CDH18: variants seen among roughly 807,000 people sequenced by gnomAD.
The protein encoded by CDH18 is cadherin-18.
CDH18 carries 31 observed loss-of-function variants against 67.9 expected under a neutral mutation model. The observed-to-expected ratio is 0.46, with a 90% CI of 0.34 to 0.62. The LOEUF (loss-of-function observed/expected upper bound fraction) is 0.62. Ranked by LOEUF, CDH18 falls within the 20% of genes least tolerant of loss-of-function variation. CDH18 has a pLI of 0.01. For missense variants in CDH18, 890 were observed against 975.5 expected (o/e 0.91, Z 1.17); for synonymous variants, 362 against 347.2 (o/e 1.04, Z -0.48).
intron 2 of CDH18, among the ~76,000 whole-genome samples, chr5:20,020,175 G>A (rs543836883): frequency 4.3e-4 from 66 of 152,212 alleles, no homozygotes; most frequent in African/African-American, 1.5e-3. Context: ...TTCTAACAGT[G>A]TATGCTTATA....
intron 11 of CDH18, among the ~76,000 whole-genome samples, chr5:19,488,770 G>C (rs910682325): frequency 6.6e-6 from 1 of 152,156 alleles, no homozygotes; most frequent in African/African-American, 2.4e-5. Context: ...AAAGCAAAAT[G>C]AACTAATATA....
chr5:20,544,214 GAA>G (rs1757211598), intron 1 of CDH18, among the ~76,000 whole-genome samples: 1 of 119,788 alleles, frequency 8.3e-6, no homozygotes, highest in Non-Finnish European at 1.9e-5. Flanking sequence ...ACAAATTGGA[GAA>G]ATATTCACAA....
chr5:20,168,403 T>C (rs916122970), intron 2 of CDH18, among the ~76,000 whole-genome samples: 1 of 152,082 alleles, frequency 6.6e-6, no homozygotes, highest in Non-Finnish European at 1.5e-5. Context: ...AAATGTATAC[T>C]CATAGATTAA....
chr5:20,099,780 A>G (rs1438335810), intron 2 of CDH18, among the ~76,000 whole-genome samples: 2 of 152,096 alleles, frequency 1.3e-5, no homozygotes, highest in East Asian at 1.9e-4. Flanking sequence ...AATAGTTTTT[A>G]TCCTTTAATT....
At chr5:20,174,640 T>C (rs1737091103) in intron 2 of CDH18, among the ~76,000 whole-genome samples, 1 of 152,178 alleles carries the variant, frequency 6.6e-6, no homozygotes, top group Non-Finnish European at 1.5e-5. Context: ...ACTATATAGA[T>C]TGATATTTCT....
Position 20,055,241 on chromosome 5 carries a change from G to A in CDH18, c.-517-63227C>T, listed in dbSNP as rs10062646. On this transcript the variant is annotated intron_variant, in intron 2 of 14. Coordinates refer to the CDH18 transcript ENST00000507958. ...ATTGGAAATATAAAATCCCTTTTGG[G>A]ATCAGTTCAAGGCTATTGACAGATA... 2.3e-3 allele frequency among the ~76,000 whole-genome samples: 349 copies of A among 152,238 alleles called. 1 individual carries two copies. Among genetic ancestry groups the A allele is most frequent in the African/African-American group, 7.4e-3 (307 of 41,540 alleles).
intron 5 of CDH18, among the ~76,000 whole-genome samples, chr5:19,669,386 A>G (rs944445333): frequency 6.6e-6 from 1 of 151,324 alleles, no homozygotes; most frequent in Non-Finnish European, 1.5e-5. Context: ...TCCGCTTCCC[A>G]GGTTCAAGTG....
intron 10 of CDH18, among the ~76,000 whole-genome samples, chr5:19,517,217 A>AT (rs200387811): frequency 6.6e-6 from 1 of 152,120 alleles, no homozygotes; most frequent in South Asian, 2.1e-4. Flanking sequence ...AATAGAAATA[A>AT]TTTTTAAAAA....
chr5:20,513,301 T>C (rs1755158053), intron 1 of CDH18, among the ~76,000 whole-genome samples: 1 of 152,112 alleles, frequency 6.6e-6, no homozygotes. Flanking sequence ...CAGCAAAACA[T>C]AAATTAAGAA....
chr5:20,009,975 C>A lies in CDH18; in HGVS notation c.-517-17961G>T, dbSNP rs182534439. Among the ~76,000 whole-genome samples the A allele has an allele frequency of 3.7e-3, 570 of 152,130 alleles. 2 individuals are homozygous for A. The highest frequency in any genetic ancestry group is 0.013 in the African/African-American group (536 of 41,526). Reference sequence around the variant, plus strand: ...TGGATTGGCTGTCTTAATTTTGATCCTCAGATTGTCACTGAATATTAACTA... The same window carrying A: ...TGGATTGGCTGTCTTAATTTTGATCATCAGATTGTCACTGAATATTAACTA... On this transcript the variant is annotated intron_variant, in intron 2 of 14. Coordinates refer to the CDH18 transcript ENST00000507958.
chr5:19,562,320 C>T (rs974470720), intron 8 of CDH18, among the ~76,000 whole-genome samples: 1 of 152,044 alleles, frequency 6.6e-6, no homozygotes, highest in South Asian at 2.1e-4. Flanking sequence ...TTGAACTTTG[C>T]CAAAAGGCCT....
chr5:19,902,093 G>A (rs1305151550), intron 2 of CDH18, among the ~76,000 whole-genome samples: 2 of 151,944 alleles, frequency 1.3e-5, no homozygotes, highest in African/African-American at 2.4e-5. Context: ...CAATACTGAC[G>A]TCAATTTTAA....
At chr5:20,310,613 A>G (rs1408471246) in intron 1 of CDH18, among the ~76,000 whole-genome samples, 1 of 152,130 alleles carries the variant, frequency 6.6e-6, no homozygotes, top group Non-Finnish European at 1.5e-5. Flanking sequence ...GTTCATATTT[A>G]TATGTCTTAA....
intron 1 of CDH18, among the ~76,000 whole-genome samples, chr5:20,543,726 A>G (rs572630082): frequency 1.4e-4 from 21 of 152,194 alleles, no homozygotes; most frequent in Middle Eastern, 3.4e-3. Context: ...CACAAACTTT[A>G]CTCTCTGATT....
chr5:19,515,238 G>C (rs1745789741), intron 10 of CDH18, among the ~76,000 whole-genome samples: 2 of 152,160 alleles, frequency 1.3e-5, no homozygotes, highest in Admixed American at 6.5e-5. Context: ...ATGCTGTTTT[G>C]GTTACTGTAG....
intron 1 of CDH18, among the ~76,000 whole-genome samples, chr5:20,324,868 G>A (rs1380020289): frequency 1.3e-5 from 2 of 152,180 alleles, no homozygotes; most frequent in African/African-American, 4.8e-5. Flanking sequence ...CTATGTGTAT[G>A]TGTGTATACA....
intron 1 of CDH18, among the ~76,000 whole-genome samples, chr5:20,441,579 G>T (rs1749606902): frequency 6.6e-6 from 1 of 151,624 alleles, no homozygotes; most frequent in African/African-American, 2.4e-5. Context: ...CTAGCATTTT[G>T]GTTCTGAACT....
chr5:19,914,909 G>C (rs1469305110), intron 2 of CDH18, among the ~76,000 whole-genome samples: 1 of 151,986 alleles, frequency 6.6e-6, no homozygotes, highest in Non-Finnish European at 1.5e-5. Context: ...CAATTTTTTT[G>C]TGGTGATATT....
At chr5:19,561,368 T>C (rs1290582195) in intron 8 of CDH18, among the ~76,000 whole-genome samples, 1 of 152,096 alleles carries the variant, frequency 6.6e-6, no homozygotes, top group Non-Finnish European at 1.5e-5. Flanking sequence ...ACAGCATGGA[T>C]GGAATTGGAA....
Sources: gnomAD v4.1 joint callset for allele counts (sites outside exome capture counted in the v4.1 genomes callset) on GRCh38, gnomAD v4.1.1 for gene constraint, MANE v1.5 for transcripts, NCBI Gene and HGNC (gene_info 2026-07-23, HGNC 2026-07-21) for gene names.